FLT1: variants seen among roughly 807,000 people sequenced by gnomAD.
FLT1 encodes fms related receptor tyrosine kinase 1, also known as vascular endothelial growth factor receptor 1.
Under a neutral mutation model 156.3 loss-of-function variants are expected in FLT1, and 49 were observed. That is an observed-to-expected ratio of 0.31 (90% CI 0.25 to 0.40). The LOEUF (loss-of-function observed/expected upper bound fraction) is 0.40, where lower values mean the gene tolerates loss of function less well. Ranked by LOEUF, FLT1 falls within the 10% of genes least tolerant of loss-of-function variation. FLT1 has a pLI of 1.00. For synonymous variants in FLT1, 594 were observed against 583.8 expected, an observed-to-expected ratio of 1.02 and a Z score of -0.25; for missense variants, 1,322 against 1,637.2, an observed-to-expected ratio of 0.81 and a Z score of 3.32.
At chr13:28,456,063 G>A (rs1879245787) in intron 3 of FLT1, among the ~76,000 whole-genome samples, 1 of 152,186 alleles carries the variant, frequency 6.6e-6, no homozygotes, top group Non-Finnish European at 1.5e-5. Context: ...CGGTTTGGCA[G>A]TTTCTTACAA....
chr13:28,407,320 C>A (rs1875871690), intron 10 of FLT1, among the ~76,000 whole-genome samples: 1 of 152,110 alleles, frequency 6.6e-6, no homozygotes. Context: ...ATACCCGCCA[C>A]CCAGATTTCA....
intron 11 of FLT1, among the ~76,000 whole-genome samples, chr13:28,398,298 G>C (rs750939296): frequency 1.3e-5 from 2 of 152,200 alleles, no homozygotes; most frequent in Non-Finnish European, 2.9e-5. Context: ...CCTTGCTGAA[G>C]TATAATGACA....
rs570569775 is a variant in FLT1 at position 28,454,998 on chromosome 13, A to G, written c.388+11905T>C. Among the ~76,000 whole-genome samples, 9 of 152,322 alleles carry G rather than the reference A, an allele frequency of 5.9e-5. No individual in the cohort carries two copies. In the South Asian group the frequency reaches 1.9e-3, roughly 32 times the overall value. On this transcript the variant is annotated intron_variant, in intron 3 of 29. Transcript: ENST00000282397. ...AAACTACAAAACTATGATGAACAAA[A>G]CTGAAGAAAAACTAAATGAATGGAG...
At chr13:28,435,546 A>G (rs1593790516) in intron 4 of FLT1, among the ~76,000 whole-genome samples, 2 of 152,218 alleles carry the variant, frequency 1.3e-5, no homozygotes, top group South Asian at 4.1e-4. Flanking sequence ...TAAAGGAAAT[A>G]CCAAACAGCC....
At chr13:28,330,593 T>TATATATATATCATATATATATG in intron 18 of FLT1, among the ~76,000 whole-genome samples, 1 of 143,454 alleles carries the variant, frequency 7.0e-6, no homozygotes, top group South Asian at 2.1e-4. Context: ...AGGTCCTATA[T>TATATATATATCATATATATATG]ATATATATAT....
intron 16 of FLT1, among the ~76,000 whole-genome samples, chr13:28,340,542 C>T (rs567611946): frequency 5.9e-5 from 9 of 152,284 alleles, no homozygotes; most frequent in Admixed American, 2.0e-4. Context: ...AGCATGTTTT[C>T]CCATATAACT....
chr13:28,363,638 C>T (rs1478027808), intron 14 of FLT1, among the ~76,000 whole-genome samples: 8 of 150,494 alleles, frequency 5.3e-5, no homozygotes, highest in East Asian at 1.9e-4. Context: ...TTTTTTGAGA[C>T]GGAGTGTTGC....
At chr13:28,391,519 G>A (rs1005900687) in intron 12 of FLT1, among the ~76,000 whole-genome samples, 5 of 152,216 alleles carry the variant, frequency 3.3e-5, no homozygotes, top group Non-Finnish European at 7.3e-5. Context: ...TTTCCAGGCG[G>A]AACCAGTGTA....
chr13:28,315,819 T>G (rs539317586), intron 25 of FLT1, among the ~76,000 whole-genome samples: 2 of 152,316 alleles, frequency 1.3e-5, no homozygotes, highest in Non-Finnish European at 2.9e-5. Flanking sequence ...GGTCTGTTCC[T>G]AATTCATCAG....
intron 28 of FLT1, among the ~76,000 whole-genome samples, chr13:28,307,613 C>T (rs1033408909): frequency 1.3e-5 from 2 of 151,104 alleles, no homozygotes; most frequent in Admixed American, 1.3e-4. Context: ...ATAATATTTC[C>T]CTTTATCTGG....
chr13:28,343,350 GA>G (rs1479731332), intron 16 of FLT1, among the ~76,000 whole-genome samples: 3 of 151,658 alleles, frequency 2.0e-5, no homozygotes, highest in Non-Finnish European at 4.4e-5. Flanking sequence ...GCCCAGACAG[GA>G]GTGCAATGGG....
At chr13:28,323,930 A>G (rs1871577520) in intron 20 of FLT1, among the ~76,000 whole-genome samples, 1 of 152,204 alleles carries the variant, frequency 6.6e-6, no homozygotes, top group South Asian at 2.1e-4. Flanking sequence ...GATCCTAACA[A>G]GGGTAGCAAT....
chr13:28,430,335 G>C (rs1360921342), intron 7 of FLT1, among the ~76,000 whole-genome samples, 168 bp from the exon 8 acceptor site: 1 of 152,144 alleles, frequency 6.6e-6, no homozygotes, highest in Non-Finnish European at 1.5e-5. Context: ...TACTTTAAAA[G>C]CACTGTAATT....
intron 14 of FLT1, among the ~76,000 whole-genome samples, chr13:28,360,971 T>C (rs1225660115): frequency 1.3e-5 from 2 of 152,118 alleles, no homozygotes. Context: ...TAATTATTAT[T>C]ATTTGCCAAT....
At chr13:28,373,102 T>C (rs746420814) in intron 14 of FLT1, among the ~76,000 whole-genome samples, 16 of 152,198 alleles carry the variant, frequency 1.1e-4, no homozygotes, top group Non-Finnish European at 2.2e-4. Context: ...TATGACAATT[T>C]ACAATTTTAG....
intron 14 of FLT1, among the ~76,000 whole-genome samples, chr13:28,371,162 A>G (rs1020303680): frequency 4.6e-5 from 7 of 152,156 alleles, no homozygotes; most frequent in African/African-American, 1.7e-4. Context: ...TATCTCGGAA[A>G]TGCTGGGTTT....
At chr13:28,337,317 G>C (rs1266306890) in intron 17 of FLT1, among the ~76,000 whole-genome samples, 1 of 152,118 alleles carries the variant, frequency 6.6e-6, no homozygotes, top group East Asian at 1.9e-4. Context: ...GCTGAAACCA[G>C]ATATAACCTT....
intron 1 of FLT1, among the ~76,000 whole-genome samples, chr13:28,476,265 T>G (rs1880539308): frequency 6.6e-6 from 1 of 152,198 alleles, no homozygotes; most frequent in Non-Finnish European, 1.5e-5. Flanking sequence ...AATTACATTT[T>G]TCATTCAGCT....
chr13:28,428,053 A>C (rs1487971425), intron 8 of FLT1, 132 bp from the exon 9 acceptor site: 1 of 748,158 alleles, frequency 1.3e-6, no homozygotes, highest in Non-Finnish European at 2.3e-6. Context: ...TGATTTTTAA[A>C]ATGTAGGCAT....
Sources: allele counts gnomAD v4.1 joint callset (sites outside exome capture counted in the v4.1 genomes callset), GRCh38; gene constraint gnomAD v4.1.1; transcripts MANE v1.5; gene names NCBI Gene and HGNC (gene_info 2026-07-23, HGNC 2026-07-21).